TRIM71: variants seen among roughly 807,000 people sequenced by gnomAD.
TRIM71 encodes E3 ubiquitin-protein ligase TRIM71.
In TRIM71, 9 loss-of-function variants were observed where a neutral mutation model predicts 61.2. That is an observed-to-expected ratio of 0.15 (90% CI 0.09 to 0.26). The LOEUF is 0.26. TRIM71 is among the 10% of genes least tolerant of loss of function. The pLI, the probability that TRIM71 is intolerant of heterozygous loss-of-function variation, is 1.00. For synonymous variants in TRIM71, 645 were observed against 553.2 expected, an observed-to-expected ratio of 1.17 and a Z score of -2.33; for missense variants, 998 against 1,238.7, an observed-to-expected ratio of 0.81 and a Z score of 2.92.
rs1304879774 is a variant in TRIM71 at position 32,894,286 on chromosome 3, C to A, written c.*2475C>A. 1 of 152,000 alleles carries A rather than the reference C, an allele frequency of 6.6e-6. No homozygotes were observed. Among genetic ancestry groups the A allele is most frequent in the Non-Finnish European group, 1.5e-5 (1 of 67,980 alleles). The allele number at this position is 152,000 out of a possible 1,614,324, so 9.4% of individuals were successfully genotyped here. ...ATCATCATTTTCATTCTGCTCTTTTCTTTCTAATTTCCCCAGATGTAGGAA... is the reference window on the plus strand; with the variant it reads ...ATCATCATTTTCATTCTGCTCTTTTATTTCTAATTTCCCCAGATGTAGGAA... On this transcript the variant is annotated 3_prime_UTR_variant, in exon 4 of 4. Coordinates refer to ENST00000383763, the MANE Select transcript of TRIM71 (RefSeq NM_001039111.3).
At chr3:32,864,323 G>C (rs1007997560) in intron 1 of TRIM71, among the ~76,000 whole-genome samples, 3 of 152,224 alleles carry the variant, frequency 2.0e-5, no homozygotes, top group Non-Finnish European at 2.9e-5. Context: ...GGATCTGTTA[G>C]AGGACACCCC....
chr3:32,825,003 C>T (rs953198122), intron 1 of TRIM71, among the ~76,000 whole-genome samples: 1 of 152,144 alleles, frequency 6.6e-6, no homozygotes, highest in East Asian at 1.9e-4. Flanking sequence ...CCATGTTGGC[C>T]AGGCTGGTCT....
intron 1 of TRIM71, among the ~76,000 whole-genome samples, chr3:32,867,441 ATG>A (rs1354090433): frequency 6.6e-6 from 1 of 152,040 alleles, no homozygotes; most frequent in African/African-American, 2.4e-5. Flanking sequence ...GTGTGTGTGT[ATG>A]TGTGTATATA....
rs1277783214 is a variant in TRIM71, at chr3:32,897,340, C to G, written c.*5529C>G. ...GCACTACCGTAGTAACTCCCCTGGC[C>G]GCAGAAACCACACTGCAAGCCTGTC... On this transcript the variant is annotated 3_prime_UTR_variant, in exon 4 of 4. Coordinates refer to ENST00000383763, the MANE Select transcript of TRIM71 (RefSeq NM_001039111.3). 1 of 152,116 alleles carries G rather than the reference C, an allele frequency of 6.6e-6. No homozygotes were observed. Among genetic ancestry groups the G allele is most frequent in the Non-Finnish European group, 1.5e-5 (1 of 68,024 alleles). 9.4% of individuals were successfully genotyped at this position (152,116 alleles called of 1,614,324 possible).
intron 2 of TRIM71, among the ~76,000 whole-genome samples, chr3:32,883,672 G>A (rs189479548): frequency 5.3e-5 from 8 of 152,332 alleles, no homozygotes; most frequent in Non-Finnish European, 1.5e-5. Flanking sequence ...AGTTGAGCCT[G>A]ATGTTTGGAG....
chr3:32,877,278 CT>C (rs1373031674), intron 2 of TRIM71, among the ~76,000 whole-genome samples: 3 of 152,018 alleles, frequency 2.0e-5, no homozygotes, highest in Non-Finnish European at 4.4e-5. Flanking sequence ...TAATTTTTGT[CT>C]TTTTAGTAGA....
At chr3:32,861,903 C>G (rs977886446) in intron 1 of TRIM71, among the ~76,000 whole-genome samples, 5 of 152,216 alleles carry the variant, frequency 3.3e-5, no homozygotes, top group Non-Finnish European at 7.3e-5. Context: ...TCGGCAATCC[C>G]AGTGCAGCAC....
At chr3:32,855,008 A>G (rs571476182) in intron 1 of TRIM71, among the ~76,000 whole-genome samples, 2 of 152,336 alleles carry the variant, frequency 1.3e-5, no homozygotes, top group Non-Finnish European at 2.9e-5. Flanking sequence ...ATGTTGTTAC[A>G]CAATATATTG....
chr3:32,888,423 C>T (rs1696983109), intron 3 of TRIM71, among the ~76,000 whole-genome samples: 1 of 113,070 alleles, frequency 8.8e-6, no homozygotes, highest in Non-Finnish European at 1.7e-5. Flanking sequence ...ACATTAAGAC[C>T]CCATCTCTAC....
At chr3:32,834,294 TC>T (rs1305277055) in intron 1 of TRIM71, among the ~76,000 whole-genome samples, 2 of 152,190 alleles carry the variant, frequency 1.3e-5, no homozygotes, top group Non-Finnish European at 2.9e-5. Context: ...AGTGATTAAG[TC>T]TAGATGATGT....
intron 1 of TRIM71, among the ~76,000 whole-genome samples, chr3:32,820,441 C>T (rs1166764973): frequency 6.6e-6 from 1 of 152,106 alleles, no homozygotes; most frequent in Non-Finnish European, 1.5e-5. Context: ...TGAATGGACT[C>T]CTAGTTTTAA....
At chr3:32,880,128 A>G (rs1428402438) in intron 2 of TRIM71, among the ~76,000 whole-genome samples, 1 of 151,392 alleles carries the variant, frequency 6.6e-6, no homozygotes, top group Admixed American at 6.6e-5. Flanking sequence ...GCTCACTGCA[A>G]CCTCTGCCTC....
At chr3:32,822,385 AAAAGTTCTAG>A (rs1696144627) in intron 1 of TRIM71, among the ~76,000 whole-genome samples, 1 of 152,144 alleles carries the variant, frequency 6.6e-6, no homozygotes. Context: ...TCCTGAAGAG[AAAAGTTCTAG>A]AATTCCAACT....
At chr3:32,882,998 G>A (rs1396736839) in intron 2 of TRIM71, among the ~76,000 whole-genome samples, 1 of 152,192 alleles carries the variant, frequency 6.6e-6, no homozygotes, top group Non-Finnish European at 1.5e-5. Context: ...AGACAAAGCA[G>A]AAGAAGCTGC....
chr3:32,876,398 A>G (rs1696852728), intron 2 of TRIM71, among the ~76,000 whole-genome samples: 1 of 152,200 alleles, frequency 6.6e-6, no homozygotes. Flanking sequence ...AGCCTGGCCA[A>G]CATGGTGAAA....
rs764674642 is a variant in TRIM71 at position 32,818,827 on chromosome 3, A to G, written c.747A>G (p.Ala249=). The change falls in exon 1 of 4, where the codon GCA becomes GCG. Residue 249 remains alanine, a synonymous_variant. Transcript: ENST00000383763. ...ERGPPGPGAA[A]AAQQLGLGPP... The stretch of plus-strand genomic sequence containing the variant: ...GCCCGCCGGGTCCCGGTGCCGCAGC[A>G]GCGGCGCAGCAGCTCGGGCTCGGGC... The G allele has an allele frequency of 4.3e-6, 7 of 1,611,006 alleles. No homozygotes were observed. The highest frequency in any genetic ancestry group is 5.9e-6 in the Non-Finnish European group (7 of 1,179,022).
At chr3:32,821,910 G>A (rs951201981) in intron 1 of TRIM71, among the ~76,000 whole-genome samples, 1 of 152,100 alleles carries the variant, frequency 6.6e-6, no homozygotes, top group African/African-American at 2.4e-5. Context: ...CACCCGCTGG[G>A]GTATTCACGG....
chr3:32,870,392 G>C (rs2125687978), intron 1 of TRIM71, among the ~76,000 whole-genome samples: 1 of 152,220 alleles, frequency 6.6e-6, no homozygotes, highest in East Asian at 1.9e-4. Context: ...CTCTGTTGCA[G>C]GCGGCCTGGA....
intron 1 of TRIM71, among the ~76,000 whole-genome samples, chr3:32,836,235 A>T (rs1239381760): frequency 1.4e-5 from 2 of 142,854 alleles, no homozygotes; most frequent in Non-Finnish European, 1.5e-5. Flanking sequence ...CTCCCTCCCC[A>T]CCCCTCCCTT....
Sources: allele counts gnomAD v4.1 joint callset (sites outside exome capture counted in the v4.1 genomes callset), GRCh38; gene constraint gnomAD v4.1.1; transcripts MANE v1.5; gene names NCBI Gene and HGNC (gene_info 2026-07-23, HGNC 2026-07-21).